Variants in CDH18 observed in about 807,000 individuals in gnomAD.
CDH18 encodes cadherin-18.
CDH18 carries 31 observed loss-of-function variants against 67.9 expected under a neutral mutation model. The observed-to-expected ratio is 0.46, with a 90% CI of 0.34 to 0.62. CDH18 has a LOEUF of 0.62. Ranked by LOEUF, CDH18 falls within the 20% of genes least tolerant of loss-of-function variation. The probability of loss-of-function intolerance (pLI) is 0.01; values close to 1 mark genes in which losing one functional copy is unlikely to be tolerated. For missense variants in CDH18, 890 were observed against 975.5 expected (o/e 0.91, Z 1.17); for synonymous variants, 362 against 347.2 (o/e 1.04, Z -0.48).
chr5:20,376,091 A>ATTTTTTTTTTTTTTTTTGTTTTT (rs1743400411), intron 1 of CDH18, among the ~76,000 whole-genome samples: 1 of 49,748 alleles, frequency 2.0e-5, no homozygotes, highest in African/African-American at 6.2e-5. Flanking sequence ...AAAAGAAACA[A>ATTTTTTTTTTTTTTTTTGTTTTT]TTTTTTTTTT....
intron 3 of CDH18, among the ~76,000 whole-genome samples, chr5:19,821,081 C>T (rs1297853884): frequency 6.6e-6 from 1 of 152,060 alleles, no homozygotes; most frequent in African/African-American, 2.4e-5. Flanking sequence ...TACACTAGCT[C>T]CCCGGCAATG....
chr5:20,271,798 C>T (rs1442636003), intron 1 of CDH18, among the ~76,000 whole-genome samples: 1 of 151,998 alleles, frequency 6.6e-6, no homozygotes, highest in East Asian at 1.9e-4. Context: ...TGTGTAAGCA[C>T]ACAGTCTGTA....
At chr5:19,489,474 C>G (rs1461644323) in intron 11 of CDH18, among the ~76,000 whole-genome samples, 1 of 152,028 alleles carries the variant, frequency 6.6e-6, no homozygotes, top group African/African-American at 2.4e-5. Context: ...GTCTCAAACT[C>G]CTGACCTTGT....
chr5:20,413,862 G>T (rs1037314349), intron 1 of CDH18, among the ~76,000 whole-genome samples: 21 of 152,160 alleles, frequency 1.4e-4, no homozygotes, highest in African/African-American at 4.3e-4. Flanking sequence ...ATTGCTTTTG[G>T]TGTTTTAGTC....
chr5:20,130,329 C>T (rs1465677946), intron 2 of CDH18, among the ~76,000 whole-genome samples: 1 of 150,738 alleles, frequency 6.6e-6, no homozygotes, highest in Non-Finnish European at 1.5e-5. Context: ...GTCTGACAGG[C>T]TGCAGATTTA....
intron 2 of CDH18, among the ~76,000 whole-genome samples, chr5:20,197,009 C>T (rs2126737630): frequency 6.6e-6 from 1 of 152,112 alleles, no homozygotes; most frequent in Middle Eastern, 3.4e-3. Context: ...TCCTTTCTCT[C>T]TTTTTCTGTT....
In CDH18 at chr5:20,516,384, G is replaced by A. The variant is rs1242724679; in HGVS notation, c.-580+59078C>T. On this transcript the variant is annotated intron_variant, in intron 1 of 14. Coordinates refer to the CDH18 transcript ENST00000507958. Reference sequence around the variant, plus strand: ...TACAAAAAACAAATAAAATTCAACCGTTAATCAAATGGAAAATATAGTAAG... The same window carrying A: ...TACAAAAAACAAATAAAATTCAACCATTAATCAAATGGAAAATATAGTAAG... 5.3e-5 allele frequency among the ~76,000 whole-genome samples: 8 copies of A among 151,928 alleles called. 1 individual carries two copies. In the East Asian group the frequency reaches 5.8e-4, roughly 11 times the overall value.
chr5:20,164,506 C>T (rs1190540529), intron 2 of CDH18, among the ~76,000 whole-genome samples: 3 of 118,566 alleles, frequency 2.5e-5, no homozygotes, highest in Non-Finnish European at 1.9e-5. Flanking sequence ...AACTCCTGAC[C>T]TCAGGTGATC....
intron 1 of CDH18, among the ~76,000 whole-genome samples, chr5:20,433,871 A>G (rs1169123495): frequency 6.6e-6 from 1 of 152,120 alleles, no homozygotes; most frequent in Non-Finnish European, 1.5e-5. Flanking sequence ...AAATTATGTT[A>G]GAGAGAGTAG....
intron 2 of CDH18, among the ~76,000 whole-genome samples, chr5:20,063,360 T>C (rs1742674832): frequency 6.6e-6 from 1 of 152,104 alleles, no homozygotes; most frequent in Non-Finnish European, 1.5e-5. Context: ...TTTATGAATC[T>C]TATAAACTCT....
intron 2 of CDH18, among the ~76,000 whole-genome samples, chr5:19,865,887 C>T (rs1785428400): frequency 6.6e-6 from 1 of 152,154 alleles, no homozygotes; most frequent in Non-Finnish European, 1.5e-5. Flanking sequence ...CTGCTTTTGA[C>T]TATTAAATGT....
At chr5:19,904,883 T>C (rs1790367392) in intron 2 of CDH18, among the ~76,000 whole-genome samples, 1 of 152,176 alleles carries the variant, frequency 6.6e-6, no homozygotes, top group Admixed American at 6.5e-5. Context: ...CAGTTGCAGA[T>C]TTGCTTTCTT....
chr5:20,081,245 T>C (rs1744442895), intron 2 of CDH18, among the ~76,000 whole-genome samples: 1 of 152,184 alleles, frequency 6.6e-6, no homozygotes, highest in African/African-American at 2.4e-5. Flanking sequence ...AAGTTTTATA[T>C]TTGGAAATGT....
chr5:19,602,297 A>G (rs1426843458), intron 6 of CDH18, among the ~76,000 whole-genome samples: 1 of 152,214 alleles, frequency 6.6e-6, no homozygotes. Context: ...GATAATGAAT[A>G]ATTGCAAAAG....
chr5:20,572,739 GAA>G (rs1341426402), intron 1 of CDH18, among the ~76,000 whole-genome samples: 1 of 152,152 alleles, frequency 6.6e-6, no homozygotes, highest in Non-Finnish European at 1.5e-5. Context: ...TATAAAAACA[GAA>G]GAGGTTGTAC....
chr5:20,321,600 T>A (rs1328272029), intron 1 of CDH18, among the ~76,000 whole-genome samples: 2 of 152,196 alleles, frequency 1.3e-5, no homozygotes, highest in East Asian at 3.9e-4. Flanking sequence ...ATTATTAAAT[T>A]TACTGTCTCA....
intron 11 of CDH18, among the ~76,000 whole-genome samples, chr5:19,493,568 G>A (rs893020286): frequency 2.2e-5 from 3 of 138,790 alleles, no homozygotes; most frequent in African/African-American, 8.0e-5. Context: ...GTGTGTGTGT[G>A]TAAAGCGTTT....
chr5:19,741,099 T>C (rs1373242220), intron 4 of CDH18, among the ~76,000 whole-genome samples: 6 of 149,420 alleles, frequency 4.0e-5, no homozygotes, highest in Non-Finnish European at 8.9e-5. Flanking sequence ...AGTGTATGCG[T>C]ATATATATAC....
At chr5:20,274,949 T>C (rs11749005) in intron 1 of CDH18, among the ~76,000 whole-genome samples, 17,795 of 152,116 alleles carry the variant, frequency 0.12, 1,583 homozygotes, top group African/African-American at 0.24. Context: ...CCATGAATCA[T>C]TTTGCCTTGA....
Sources: gnomAD v4.1 joint callset for allele counts (sites outside exome capture counted in the v4.1 genomes callset) on GRCh38, gnomAD v4.1.1 for gene constraint, MANE v1.5 for transcripts, NCBI Gene and HGNC (gene_info 2026-07-23, HGNC 2026-07-21) for gene names.